ANK2: variants seen among roughly 807,000 people sequenced by gnomAD.
ANK2 encodes the protein ankyrin-2.
A neutral mutation model predicts 360.5 loss-of-function variants in ANK2; 83 were observed. The observed-to-expected ratio is 0.23, with a 90% CI of 0.19 to 0.28. ANK2 has a LOEUF of 0.28. Among genes scored for constraint, ANK2 ranks in the 10% least tolerant of loss-of-function variants. The pLI, the probability that ANK2 is intolerant of heterozygous loss-of-function variation, is 1.00. For missense variants in ANK2, 4,201 were observed against 4,795.7 expected (o/e 0.88, Z 3.66); for synonymous variants, 1,740 against 1,759.5 (o/e 0.99, Z 0.28).
the ANK2 span, among the ~76,000 whole-genome samples, chr4:112,794,422 T>C: frequency 6.6e-6 from 1 of 152,224 alleles, no homozygotes; most frequent in Non-Finnish European, 1.5e-5. Context: ...GTAGTTATCT[T>C]ATTTGTTTAT....
At chr4:112,953,518 A>T (rs1232598945) in intron 2 of ANK2, among the ~76,000 whole-genome samples, 1 of 152,194 alleles carries the variant, frequency 6.6e-6, no homozygotes, top group Non-Finnish European at 1.5e-5. Context: ...TCCTTACACA[A>T]TTGTTGGGAG....
At chr4:113,155,368 A>G (rs2097247484) in intron 1 of ANK2, among the ~76,000 whole-genome samples, 1 of 152,184 alleles carries the variant, frequency 6.6e-6, no homozygotes, top group Admixed American at 6.5e-5. Context: ...AAGTGATAGA[A>G]CCAGGATTAG....
upstream of ANK2, among the ~76,000 whole-genome samples, chr4:112,816,149 C>T (rs2055606003): frequency 6.6e-6 from 1 of 152,120 alleles, no homozygotes; most frequent in East Asian, 1.9e-4. Flanking sequence ...TCTGGGTAGT[C>T]AGTGTCAGAA....
chr4:112,894,193 T>G (rs2081051841), intron 1 of ANK2, among the ~76,000 whole-genome samples: 1 of 152,158 alleles, frequency 6.6e-6, no homozygotes, highest in Non-Finnish European at 1.5e-5. Flanking sequence ...CTCTCATTTC[T>G]TGAGCACTTA....
intron 1 of ANK2, among the ~76,000 whole-genome samples, chr4:113,100,981 G>C (rs2092732140): frequency 6.6e-6 from 1 of 152,028 alleles, no homozygotes; most frequent in Non-Finnish European, 1.5e-5. Context: ...GGGAGAAGGG[G>C]AAGTGATGAA....
chr4:112,976,951 G>T (rs964267125), intron 2 of ANK2, among the ~76,000 whole-genome samples: 2 of 152,224 alleles, frequency 1.3e-5, no homozygotes, highest in Non-Finnish European at 2.9e-5. Flanking sequence ...TAGCGCTGGG[G>T]TTTGTCAGTT....
intron 1 of ANK2, among the ~76,000 whole-genome samples, chr4:112,832,347 C>G (rs185454377): frequency 4.6e-5 from 7 of 152,194 alleles, no homozygotes; most frequent in Non-Finnish European, 7.3e-5. Context: ...GCCACAGTAC[C>G]GGGCCTGTAG....
chr4:113,268,328 A>C (rs914593470), intron 14 of ANK2, among the ~76,000 whole-genome samples: 1 of 152,266 alleles, frequency 6.6e-6, no homozygotes, highest in Middle Eastern at 3.4e-3. Context: ...TGTCTTGTGC[A>C]GCTTTTCAAA....
At chr4:112,944,760 C>T (rs2094448775) in intron 2 of ANK2, among the ~76,000 whole-genome samples, 2 of 152,168 alleles carry the variant, frequency 1.3e-5, no homozygotes, top group Admixed American at 1.3e-4. Flanking sequence ...AGAATAAATA[C>T]ATGACTTGTA....
intron 1 of ANK2, chr4:113,160,320 C>A (rs1276318982): frequency 4.8e-6 from 2 of 416,116 alleles, no homozygotes; most frequent in Non-Finnish European, 4.7e-6. Flanking sequence ...CTTGCTTCAG[C>A]CTCTCAAAGT....
chr4:112,876,248 A>T (rs981200058), intron 1 of ANK2, among the ~76,000 whole-genome samples: 1 of 152,184 alleles, frequency 6.6e-6, no homozygotes, highest in African/African-American at 2.4e-5. Context: ...TAATCACAGT[A>T]TCTCTTCTTT....
intron 40 of ANK2, 102 bp downstream of exon 40, chr4:113,363,571 T>A: frequency 7.9e-7 from 1 of 1,258,278 alleles, no homozygotes; most frequent in Non-Finnish European, 1.2e-6. Context: ...CAAATGCCAT[T>A]AATCTGCAGT....
chr4:113,134,524 A>G (rs2096275790), intron 1 of ANK2, among the ~76,000 whole-genome samples: 1 of 152,058 alleles, frequency 6.6e-6, no homozygotes, highest in Non-Finnish European at 1.5e-5. Flanking sequence ...TGGAATAATA[A>G]TAAACTGAAC....
At chr4:113,373,898 A>G (rs903784890) in intron 45 of ANK2, among the ~76,000 whole-genome samples, 2 of 152,120 alleles carry the variant, frequency 1.3e-5, no homozygotes, top group African/African-American at 4.8e-5. Context: ...GAGTTACTAA[A>G]ATCAGGATCG....
chr4:112,957,700 C>G (rs548733447), intron 2 of ANK2, among the ~76,000 whole-genome samples: 1 of 151,328 alleles, frequency 6.6e-6, no homozygotes, highest in African/African-American at 2.4e-5. Flanking sequence ...GGGCTGACCC[C>G]CCCACCTCCC....
At chr4:112,724,754 T>C in the ANK2 span, among the ~76,000 whole-genome samples, 6 of 152,268 alleles carry the variant, frequency 3.9e-5, no homozygotes, top group African/African-American at 1.4e-4. Flanking sequence ...GAATGTTCTT[T>C]AGAAATTAAA....
the ANK2 span, among the ~76,000 whole-genome samples, chr4:112,810,155 ATATATT>A: frequency 3.0e-4 from 7 of 23,324 alleles, no homozygotes; most frequent in Admixed American, 7.3e-4. Context: ...ATATATATAT[ATATATT>A]TTTTTTTTTT....
chr4:113,369,846 A>T (rs2154067711), intron 43 of ANK2, 41 bp downstream of exon 43: 1 of 1,612,992 alleles, frequency 6.2e-7, no homozygotes. Context: ...CCTGTAACAA[A>T]GCTACAAATC....
At chr4:112,824,641 C>T (rs567196469) in intron 1 of ANK2, among the ~76,000 whole-genome samples, 28 of 151,954 alleles carry the variant, frequency 1.8e-4, no homozygotes, top group Non-Finnish European at 3.4e-4. Context: ...GTAGCTGGGA[C>T]TACAGACATG....
Sources: allele counts gnomAD v4.1 joint callset (sites outside exome capture counted in the v4.1 genomes callset), GRCh38; gene constraint gnomAD v4.1.1; transcripts MANE v1.5; gene names NCBI Gene and HGNC (gene_info 2026-07-23, HGNC 2026-07-21).